Variants in MCC observed in about 807,000 individuals in gnomAD.
MCC encodes the protein colorectal mutant cancer protein.
A neutral mutation model predicts 116.2 loss-of-function variants in MCC; 90 were observed. That is an observed-to-expected ratio of 0.77 (90% CI 0.65 to 0.92). The LOEUF is 0.92. MCC is among the 40% of genes least tolerant of loss of function. The pLI, the probability that MCC is intolerant of heterozygous loss-of-function variation, is 0.00. For missense variants in MCC, 1,516 were observed against 1,312.2 expected, an observed-to-expected ratio of 1.16 and a Z score of -2.40; for synonymous variants, 578 against 510.5, an observed-to-expected ratio of 1.13 and a Z score of -1.78.
chr5:113,418,345 T>C (rs938158045), intron 1 of MCC, among the ~76,000 whole-genome samples: 2 of 86,392 alleles, frequency 2.3e-5, no homozygotes, highest in Non-Finnish European at 4.1e-5. Context: ...TATATCTCAA[T>C]TGAAATAAAA....
At chr5:113,244,859 A>C (rs1314363994) in intron 3 of MCC, among the ~76,000 whole-genome samples, 1 of 152,250 alleles carries the variant, frequency 6.6e-6, no homozygotes, top group African/African-American at 2.4e-5. Context: ...AATATATATA[A>C]AATGAAAATC....
rs77934782 is a variant in MCC, at chr5:113,287,176, T to C, written c.627+53343A>G. Among the ~76,000 whole-genome samples, 58 of 152,308 alleles carry C rather than the reference T, an allele frequency of 3.8e-4. 2 individuals are homozygous for C. The East Asian group carries it at 0.01, about 27-fold the overall frequency. On this transcript the variant is annotated intron_variant, in intron 3 of 18. Coordinates refer to ENST00000408903, the MANE Select transcript of MCC (RefSeq NM_001085377.2). The stretch of plus-strand genomic sequence containing the variant: ...TAAATAATCCAAGTCCTAACTAATA[T>C]CTATCAATTCTTGTTGTCTTCTTTG...
chr5:113,309,644 G>C (rs529801402), intron 3 of MCC, among the ~76,000 whole-genome samples: 115 of 152,202 alleles, frequency 7.6e-4, no homozygotes, highest in African/African-American at 2.6e-3. Flanking sequence ...GCGCACTTAG[G>C]TTTATTCCAT....
At chr5:113,448,498 G>T (rs1241228369) in intron 1 of MCC, among the ~76,000 whole-genome samples, 1 of 152,174 alleles carries the variant, frequency 6.6e-6, no homozygotes, top group Admixed American at 6.5e-5. Flanking sequence ...AAGTGGAAAA[G>T]AATTAATAAA....
At chr5:113,037,249 G>A in intron 17 of MCC, among the ~76,000 whole-genome samples, 1 of 152,242 alleles carries the variant, frequency 6.6e-6, no homozygotes, top group South Asian at 2.1e-4. Flanking sequence ...TCCATTCAGG[G>A]ACAAATGTTG....
intron 14 of MCC, among the ~76,000 whole-genome samples, chr5:113,059,699 T>C (rs752507582): frequency 1.3e-5 from 2 of 152,244 alleles, no homozygotes; most frequent in African/African-American, 2.4e-5. Context: ...GTTTCTCCTT[T>C]CCGTGATGCT....
intron 1 of MCC, among the ~76,000 whole-genome samples, chr5:113,462,647 C>CA (rs745634070): frequency 6.6e-6 from 1 of 152,110 alleles, no homozygotes; most frequent in Non-Finnish European, 1.5e-5. Context: ...AGAAACCCCT[C>CA]AAAAAATAAC....
At position 113,434,188 on chromosome 5, in the gene MCC, C is replaced by T; in HGVS notation, c.171-48976G>A. The T allele has an allele frequency of 1.9e-6, 3 of 1,614,058 alleles. No individual in the cohort carries two copies. Among genetic ancestry groups the T allele is most frequent in the Non-Finnish European group, 2.5e-6 (3 of 1,179,980 alleles). ...CGCAGCATCTTCTTGATGTTGGAGTCGTCGTAGGGCATGGAGCCGCAGACC... is the reference window on the plus strand; with the variant it reads ...CGCAGCATCTTCTTGATGTTGGAGTTGTCGTAGGGCATGGAGCCGCAGACC... On this transcript the variant is annotated intron_variant, in intron 1 of 18. Coordinates refer to ENST00000408903, the MANE Select transcript of MCC (RefSeq NM_001085377.2). This position sits in a 1 kb window ranked among gnomAD's most constrained non-coding sequence, Gnocchi z 4.2.
At chr5:113,412,996 G>T (rs1770035804) in intron 1 of MCC, among the ~76,000 whole-genome samples, 1 of 152,102 alleles carries the variant, frequency 6.6e-6, no homozygotes, top group Non-Finnish European at 1.5e-5. Context: ...GTTGAATTTT[G>T]TCAAAGGCCT....
At chr5:113,096,441 G>T (rs1046876651) in intron 8 of MCC, among the ~76,000 whole-genome samples, 4 of 152,256 alleles carry the variant, frequency 2.6e-5, no homozygotes, top group African/African-American at 9.6e-5. Flanking sequence ...CACGTGTGGG[G>T]TCACCACAAG....
chr5:113,320,722 C>T (rs866844136), intron 3 of MCC, among the ~76,000 whole-genome samples: 2 of 152,238 alleles, frequency 1.3e-5, no homozygotes, highest in Admixed American at 6.5e-5. Flanking sequence ...TTCCTTTTTG[C>T]AATCCTAAGG....
intron 8 of MCC, among the ~76,000 whole-genome samples, chr5:113,098,929 A>T (rs1756220313): frequency 6.6e-6 from 1 of 152,224 alleles, no homozygotes; most frequent in Admixed American, 6.5e-5. Flanking sequence ...GGGTAAAAAT[A>T]AAATGGTACC....
At chr5:113,439,070 G>A (rs1281039453) in intron 1 of MCC, among the ~76,000 whole-genome samples, 1 of 152,144 alleles carries the variant, frequency 6.6e-6, no homozygotes, top group African/African-American at 2.4e-5. Context: ...TAACAATGCA[G>A]GGTCAAAGTC....
chr5:113,038,407 G>A (rs1233260529), intron 17 of MCC, among the ~76,000 whole-genome samples: 7 of 152,172 alleles, frequency 4.6e-5, no homozygotes, highest in Admixed American at 4.6e-4. Context: ...TGAGGGTTAA[G>A]GAGGGGAGTT....
chr5:113,249,139 G>GCTCTCTCTCTCTCT (rs57174154), intron 3 of MCC, among the ~76,000 whole-genome samples: 1 of 149,274 alleles, frequency 6.7e-6, no homozygotes, highest in Non-Finnish European at 1.5e-5. Context: ...ACCGCACCCA[G>GCTCTCTCTCTCTCT]CTCTCTCTCT....
chr5:113,360,620 C>A (rs754608957), intron 2 of MCC, among the ~76,000 whole-genome samples: 4 of 152,152 alleles, frequency 2.6e-5, no homozygotes, highest in Admixed American at 6.5e-5. Context: ...GTTATGGAAC[C>A]ATTCAGACTT....
intron 3 of MCC, among the ~76,000 whole-genome samples, chr5:113,182,182 G>C (rs573440278): frequency 4.9e-4 from 75 of 152,344 alleles, no homozygotes; most frequent in African/African-American, 1.5e-3. Context: ...TTTTAAGGGG[G>C]TTTTTATAGT....
intron 3 of MCC, among the ~76,000 whole-genome samples, chr5:113,311,824 T>C (rs1409920440): frequency 6.6e-6 from 1 of 151,008 alleles, no homozygotes; most frequent in Non-Finnish European, 1.5e-5. Context: ...ATACAAAAAT[T>C]AGGCTGGGCG....
At chr5:113,226,503 C>A (rs975852388) in intron 3 of MCC, among the ~76,000 whole-genome samples, 8 of 152,248 alleles carry the variant, frequency 5.3e-5, no homozygotes, top group Admixed American at 4.6e-4. Context: ...TTTCAAATGA[C>A]AGCTTTTATT....
Sources: gnomAD v4.1 joint callset for allele counts (sites outside exome capture counted in the v4.1 genomes callset) on GRCh38, gnomAD v4.1.1 for gene constraint, Gnocchi (gnomAD v3.1) non-coding constraint, MANE v1.5 for transcripts, NCBI Gene and HGNC (gene_info 2026-07-23, HGNC 2026-07-21) for gene names.